The following DTWD2 variants were observed in gnomAD, a reference collection of about 807,000 sequenced individuals.
The protein encoded by DTWD2 is DTW motif tRNA-uridine aminocarboxypropyltransferase 2.
DTWD2 carries 39 observed loss-of-function variants against 31.8 expected under a neutral mutation model. The ratio of observed to expected loss-of-function variants is 1.22; its 90% CI spans 0.95 to 1.60. The LOEUF (loss-of-function observed/expected upper bound fraction) is 1.60. Ranked by LOEUF, DTWD2 falls within the 40% of genes most tolerant of loss-of-function variation. DTWD2 has a pLI of 0.00. For synonymous variants in DTWD2, 180 were observed against 142.8 expected, an observed-to-expected ratio of 1.26 and a Z score of -1.86; for missense variants, 515 against 381.5, an observed-to-expected ratio of 1.35 and a Z score of -2.92.
chr5:118,966,661 A>C lies in DTWD2; in HGVS notation c.218+21633T>G, dbSNP rs192064648. On this transcript the variant is annotated intron_variant, in intron 1 of 5. Transcript: ENST00000510708. ...AATGATACCTAAGTTAATTAAACTG[A>C]TAAAAGTTATCACTATCAAAATCCA... 1.2e-4 allele frequency among the ~76,000 whole-genome samples: 19 copies of C among 152,342 alleles called. No homozygotes were observed. The East Asian group carries it at 3.5e-3, about 28-fold the overall frequency.
intron 1 of DTWD2, among the ~76,000 whole-genome samples, chr5:118,982,155 G>A (rs965835357): frequency 1.3e-5 from 2 of 152,238 alleles, no homozygotes; most frequent in East Asian, 3.9e-4. Flanking sequence ...CCAAATTTTA[G>A]GCTAGACTAT....
chr5:118,855,910 AC>A (rs1243071626), intron 4 of DTWD2, among the ~76,000 whole-genome samples: 1 of 152,212 alleles, frequency 6.6e-6, no homozygotes, highest in African/African-American at 2.4e-5. Context: ...AAATATGATT[AC>A]AAAATTTTTA....
intron 4 of DTWD2, among the ~76,000 whole-genome samples, chr5:118,857,966 A>G (rs1180320351): frequency 6.6e-6 from 1 of 152,236 alleles, no homozygotes; most frequent in Non-Finnish European, 1.5e-5. Flanking sequence ...AAAAGCAAGC[A>G]GAACAGAATT....
intron 4 of DTWD2, among the ~76,000 whole-genome samples, chr5:118,871,347 A>G (rs1752500853): frequency 6.6e-6 from 1 of 152,222 alleles, no homozygotes; most frequent in African/African-American, 2.4e-5. Context: ...CGAATCACAA[A>G]TGTTCTTAAT....
intron 5 of DTWD2, among the ~76,000 whole-genome samples, chr5:118,846,919 G>GGC (rs1491350400): frequency 1.1e-4 from 5 of 47,586 alleles, no homozygotes; most frequent in South Asian, 1.7e-3. Context: ...CAAACACACA[G>GGC]GCACACACAC....
chr5:118,987,820 T>C (rs961738444), intron 1 of DTWD2, among the ~76,000 whole-genome samples: 11 of 152,166 alleles, frequency 7.2e-5, no homozygotes, highest in Admixed American at 1.3e-4. Flanking sequence ...GTGGGACGTA[T>C]GTAGGGTTTG....
At chr5:118,861,747 C>T (rs1274013267) in intron 4 of DTWD2, among the ~76,000 whole-genome samples, 1 of 151,868 alleles carries the variant, frequency 6.6e-6, no homozygotes, top group African/African-American at 2.4e-5. Context: ...GCGAAAAGAG[C>T]AGAAAATGAA....
intron 3 of DTWD2, among the ~76,000 whole-genome samples, chr5:118,930,197 C>G (rs1025092178): frequency 6.6e-6 from 1 of 152,116 alleles, no homozygotes; most frequent in Non-Finnish European, 1.5e-5. Context: ...GGAACGTTCC[C>G]CTTGGCCCCT....
In DTWD2 at chr5:118,836,173, C is replaced by T. The variant is rs115469072; in HGVS notation, c.*4744G>A. ...TTATTCGAATAATTTTTTTAAAAAA[C>T]CTTACATTAAAAAGTTTCTTTTAAA... is the stretch of plus-strand genomic sequence containing the variant. On this transcript the variant is annotated 3_prime_UTR_variant, in exon 6 of 6. Transcript: ENST00000510708. Among the ~76,000 whole-genome samples, 1 of 151,874 alleles carries T rather than the reference C, an allele frequency of 6.6e-6. No individual in the cohort carries two copies. Among genetic ancestry groups the T allele is most frequent in the South Asian group, 2.1e-4 (1 of 4,818 alleles).
chr5:118,974,046 C>T (rs953735211), intron 1 of DTWD2: 69 of 1,606,356 alleles, frequency 4.3e-5, no homozygotes, highest in Non-Finnish European at 4.0e-5. Context: ...GCTGAGACAG[C>T]TACGGGCAAG....
chr5:118,876,855 G>T (rs774767195), intron 4 of DTWD2, among the ~76,000 whole-genome samples: 1 of 152,140 alleles, frequency 6.6e-6, no homozygotes, highest in Non-Finnish European at 1.5e-5. Context: ...GAGGAGGAGG[G>T]ACTCCTCCCA....
chr5:118,983,572 G>A (rs1318524388), intron 1 of DTWD2, among the ~76,000 whole-genome samples: 2 of 151,516 alleles, frequency 1.3e-5, no homozygotes, highest in African/African-American at 4.9e-5. Context: ...GAATATCCAA[G>A]CCTAAAGAAT....
Position 118,963,607 on chromosome 5 carries a change from A to C in DTWD2, c.219-18958T>G, listed in dbSNP as rs549821753. Among the ~76,000 whole-genome samples the C allele has an allele frequency of 8.5e-5, 13 of 152,356 alleles. No individual in the cohort carries two copies. In the South Asian group the frequency reaches 2.5e-3, roughly 29 times the overall value. On this transcript the variant is annotated intron_variant, in intron 1 of 5. Coordinates refer to ENST00000510708, the MANE Select transcript of DTWD2 (RefSeq NM_173666.4). The stretch of plus-strand genomic sequence containing the variant: ...ACATGTTAAAAATATAAAGAACTTC[A>C]TTAAAAGGGAATTGAACAGATGACA...
At chr5:118,894,905 A>T (rs1031767327) in intron 4 of DTWD2, among the ~76,000 whole-genome samples, 3 of 152,180 alleles carry the variant, frequency 2.0e-5, no homozygotes, top group Non-Finnish European at 4.4e-5. Context: ...CTATTATCAC[A>T]CTGAATGGGG....
Position 118,840,844 on chromosome 5 carries a change from C to T in DTWD2, c.*73G>A. The stretch of plus-strand genomic sequence containing the variant: ...TTTAGCAAGTCAAAAACCTACAGAC[C>T]TTAACTATATGAAAACTTAATTTGG... On this transcript the variant is annotated 3_prime_UTR_variant, in exon 6 of 6. Transcript: ENST00000510708. 2 of 1,508,308 alleles carry T rather than the reference C, an allele frequency of 1.3e-6. No homozygotes were observed. Among genetic ancestry groups the T allele is most frequent in the South Asian group, 1.4e-5 (1 of 73,370 alleles). 93.4% of individuals were successfully genotyped at this position (1,508,308 alleles called of 1,614,324 possible).
chr5:118,925,017 T>C (rs756120437), intron 4 of DTWD2, among the ~76,000 whole-genome samples: 2 of 152,214 alleles, frequency 1.3e-5, no homozygotes, highest in Non-Finnish European at 2.9e-5. Context: ...AATTGTGTTA[T>C]GTATTTTAGT....
chr5:118,898,304 A>C (rs1753126106), intron 4 of DTWD2, among the ~76,000 whole-genome samples: 1 of 152,196 alleles, frequency 6.6e-6, no homozygotes, highest in Non-Finnish European at 1.5e-5. Flanking sequence ...GCTACTGGGC[A>C]AAAACAAAAA....
intron 1 of DTWD2, among the ~76,000 whole-genome samples, chr5:118,979,746 G>C (rs1280401747): frequency 6.6e-6 from 1 of 152,212 alleles, no homozygotes; most frequent in Non-Finnish European, 1.5e-5. Flanking sequence ...ACTAATGCAG[G>C]AACAGAAAAC....
At chr5:118,886,078 T>C (rs1338011010) in intron 4 of DTWD2, among the ~76,000 whole-genome samples, 2 of 152,196 alleles carry the variant, frequency 1.3e-5, no homozygotes, top group Non-Finnish European at 1.5e-5. Flanking sequence ...GAAACCACTA[T>C]CCACTTTAAT....
Sources: gnomAD v4.1 joint callset for allele counts (sites outside exome capture counted in the v4.1 genomes callset) on GRCh38, gnomAD v4.1.1 for gene constraint, MANE v1.5 for transcripts, NCBI Gene and HGNC (gene_info 2026-07-23, HGNC 2026-07-21) for gene names.